Variants in SNTB1 observed in about 807,000 individuals in gnomAD.
SNTB1 encodes the protein beta-1-syntrophin.
In SNTB1, 36 loss-of-function variants were observed where a neutral mutation model predicts 48.9. The observed-to-expected ratio is 0.74, with a 90% CI of 0.56 to 0.97. The LOEUF is 0.97. SNTB1 is among the 50% of genes least tolerant of loss of function. SNTB1 has a pLI of 0.00. For synonymous variants in SNTB1, 299 were observed against 294.6 expected (o/e 1.01, Z -0.15); for missense variants, 786 against 703.4 (o/e 1.12, Z -1.33).
intron 1 of SNTB1, among the ~76,000 whole-genome samples, chr8:120,806,340 A>G (rs1820336857): frequency 6.6e-6 from 1 of 152,242 alleles, no homozygotes; most frequent in African/African-American, 2.4e-5. Context: ...AAATGATGCC[A>G]CACAGCCCTA....
chr8:120,547,999 C>CT (rs1164872593), intron 5 of SNTB1, among the ~76,000 whole-genome samples: 1 of 152,110 alleles, frequency 6.6e-6, no homozygotes, highest in African/African-American at 2.4e-5. Context: ...GGAGGTGGGG[C>CT]TTGGTGGAAG....
At chr8:120,705,937 G>T (rs1818371112) in intron 1 of SNTB1, among the ~76,000 whole-genome samples, 1 of 152,164 alleles carries the variant, frequency 6.6e-6, no homozygotes, top group Non-Finnish European at 1.5e-5. Flanking sequence ...TAGAGTCAGA[G>T]CATCTGGGTT....
At chr8:120,616,924 C>A (rs1816723952) in intron 3 of SNTB1, among the ~76,000 whole-genome samples, 1 of 152,308 alleles carries the variant, frequency 6.6e-6, no homozygotes, top group East Asian at 1.9e-4. Context: ...GTGGCTCCTG[C>A]AGAGCGAGGC....
chr8:120,807,489 T>A (rs1014327412), intron 1 of SNTB1, among the ~76,000 whole-genome samples: 2 of 152,254 alleles, frequency 1.3e-5, no homozygotes, highest in African/African-American at 4.8e-5. Flanking sequence ...ATTCCTGATC[T>A]TAACTTTAAT....
intron 1 of SNTB1, among the ~76,000 whole-genome samples, chr8:120,797,785 G>C (rs34473121): frequency 1.3e-5 from 2 of 151,676 alleles, no homozygotes; most frequent in Non-Finnish European, 2.9e-5. Flanking sequence ...ACTCTTAATC[G>C]TCACCTCAGC....
At chr8:120,704,544 T>G (rs1818351728) in intron 1 of SNTB1, among the ~76,000 whole-genome samples, 1 of 152,118 alleles carries the variant, frequency 6.6e-6, no homozygotes, top group South Asian at 2.1e-4. Context: ...AGTGTTTGTG[T>G]TTTCATAAAG....
chr8:120,734,353 A>G (rs1192082849), intron 1 of SNTB1, among the ~76,000 whole-genome samples: 1 of 151,558 alleles, frequency 6.6e-6, no homozygotes, highest in Admixed American at 6.6e-5. Context: ...AAGCTGAGGC[A>G]GGAGGATTGC....
Position 120,560,085 on chromosome 8 carries a change from A to T in SNTB1, c.1137-11127T>A, listed in dbSNP as rs1207494385. Among the ~76,000 whole-genome samples the T allele has an allele frequency of 2.6e-5, 4 of 152,182 alleles. No homozygotes were observed. In the East Asian group the frequency reaches 7.7e-4, roughly 29 times the overall value. On this transcript the variant is annotated intron_variant, in intron 4 of 6. Coordinates refer to ENST00000517992, the MANE Select transcript of SNTB1 (RefSeq NM_021021.4). ...GTCAAAGAATCACTAACAAGTACCA[A>T]ATTGTCAGGTGAGAGGGGTTTCCCA...
chr8:120,659,009 G>T (rs182644666), intron 2 of SNTB1, among the ~76,000 whole-genome samples: 4 of 151,282 alleles, frequency 2.6e-5, no homozygotes, highest in Admixed American at 2.6e-4. Context: ...TGTCTCCCAG[G>T]CTGGATTACA....
chr8:120,798,565 T>C (rs976768736), intron 1 of SNTB1, among the ~76,000 whole-genome samples: 30 of 152,140 alleles, frequency 2.0e-4, no homozygotes, highest in African/African-American at 6.7e-4. Context: ...ATGTACACAA[T>C]ATCCCTTTTT....
At chr8:120,748,557 T>A (rs903947175) in intron 1 of SNTB1, among the ~76,000 whole-genome samples, 33 of 152,152 alleles carry the variant, frequency 2.2e-4, no homozygotes, top group African/African-American at 8.0e-4. Flanking sequence ...ATACAGTACA[T>A]AACATACAAA....
chr8:120,595,592 T>C (rs926206338), intron 3 of SNTB1, among the ~76,000 whole-genome samples: 12 of 149,042 alleles, frequency 8.1e-5, no homozygotes, highest in African/African-American at 4.9e-5. Context: ...TCTAATTTCT[T>C]TTTTTTTTTA....
intron 3 of SNTB1, among the ~76,000 whole-genome samples, chr8:120,609,860 G>A (rs2130729424): frequency 6.6e-6 from 1 of 152,256 alleles, no homozygotes; most frequent in African/African-American, 2.4e-5. Flanking sequence ...GGCTTTGTAA[G>A]AGACCGTGGC....
intron 2 of SNTB1, among the ~76,000 whole-genome samples, chr8:120,644,412 G>A (rs1004746065): frequency 2.0e-5 from 3 of 147,914 alleles, no homozygotes; most frequent in African/African-American, 7.5e-5. Flanking sequence ...AATATGCGAT[G>A]TTTGGTTTTT....
intron 3 of SNTB1, among the ~76,000 whole-genome samples, chr8:120,628,320 G>A (rs775838461): frequency 2.6e-5 from 4 of 152,184 alleles, no homozygotes; most frequent in African/African-American, 4.8e-5. Context: ...TATCTGAAAC[G>A]TAATGATAAC....
At chr8:120,750,954 C>A (rs551846924) in intron 1 of SNTB1, among the ~76,000 whole-genome samples, 1 of 152,154 alleles carries the variant, frequency 6.6e-6, no homozygotes, top group Non-Finnish European at 1.5e-5. Flanking sequence ...AAAACACATA[C>A]AATCAGCCTG....
intron 4 of SNTB1, among the ~76,000 whole-genome samples, chr8:120,569,212 T>G (rs1340586484): frequency 1.3e-5 from 2 of 152,114 alleles, no homozygotes; most frequent in African/African-American, 4.8e-5. Flanking sequence ...ACCCCTGACT[T>G]CAGGTGATCT....
chr8:120,754,439 G>T (rs941935839), intron 1 of SNTB1, among the ~76,000 whole-genome samples: 1 of 151,964 alleles, frequency 6.6e-6, no homozygotes, highest in Non-Finnish European at 1.5e-5. Flanking sequence ...AGCTGTGATT[G>T]TGCCACTGCA....
intron 1 of SNTB1, among the ~76,000 whole-genome samples, chr8:120,748,366 C>A (rs532652811): frequency 6.6e-6 from 1 of 151,988 alleles, no homozygotes; most frequent in South Asian, 2.1e-4. Flanking sequence ...AAAATTTGGT[C>A]GTCATCCTTC....
Sources: allele counts gnomAD v4.1 joint callset (sites outside exome capture counted in the v4.1 genomes callset), GRCh38; gene constraint gnomAD v4.1.1; transcripts MANE v1.5; gene names NCBI Gene and HGNC (gene_info 2026-07-23, HGNC 2026-07-21).